HOGA1: variants seen among roughly 807,000 people sequenced by gnomAD.
HOGA1 encodes 4-hydroxy-2-oxoglutarate aldolase 1.
A neutral mutation model predicts 34.3 loss-of-function variants in HOGA1; 30 were observed. The observed-to-expected ratio is 0.87, with a 90% CI of 0.65 to 1.19. The LOEUF (loss-of-function observed/expected upper bound fraction) is 1.19. HOGA1 is among the 50% of genes most tolerant of loss of function. The probability of loss-of-function intolerance (pLI) is 0.00; values close to 1 mark genes in which losing one functional copy is unlikely to be tolerated. For synonymous variants in HOGA1, 161 were observed against 174.0 expected (o/e 0.93, Z 0.59); for missense variants, 417 against 436.5 (o/e 0.96, Z 0.40).
Position 97,589,975 on chromosome 10 carries a change from C to G in HOGA1, c.211+5061C>G, listed in dbSNP as rs2041004981. On this transcript the variant is annotated intron_variant, in intron 1 of 6. Coordinates refer to ENST00000370646, the MANE Select transcript of HOGA1 (RefSeq NM_138413.4). The stretch of plus-strand genomic sequence containing the variant: ...CAGACAAGGACAAGTCACCAGAATC[C>G]CATAAAGCAAAGAATGAAAGCTGGA... 5 of 1,613,932 alleles carry G rather than the reference C, an allele frequency of 3.1e-6. No individual in the cohort carries two copies. The South Asian group carries it at 5.5e-5, about 18-fold the overall frequency.
intron 6 of HOGA1, among the ~76,000 whole-genome samples, chr10:97,609,451 C>T (rs1564762017): frequency 6.6e-6 from 1 of 152,164 alleles, no homozygotes; most frequent in Non-Finnish European, 1.5e-5. Flanking sequence ...CCTACCCCAT[C>T]CTGCCTCACC....
At chr10:97,594,883 C>T (rs139328334) in intron 1 of HOGA1, among the ~76,000 whole-genome samples, 1 of 152,182 alleles carries the variant, frequency 6.6e-6, no homozygotes, top group East Asian at 1.9e-4. Flanking sequence ...GTTCTAGGGA[C>T]CTTTGTAGAT....
At chr10:97,608,803 C>CA (rs5787247) in intron 6 of HOGA1, among the ~76,000 whole-genome samples, 108,763 of 148,900 alleles carry the variant, frequency 0.73, 39,962 homozygotes, top group Non-Finnish European at 0.78. Context: ...GGGACTGTTT[C>CA]AAAAAAAAAA....
chr10:97,602,604 T>C (rs2041128041), intron 6 of HOGA1: 2 of 984,392 alleles, frequency 2.0e-6, no homozygotes, highest in Non-Finnish European at 2.4e-6. Flanking sequence ...CATTTTATCC[T>C]TTCTTTCCTT....
intron 1 of HOGA1, chr10:97,590,359 C>G: frequency 6.2e-7 from 1 of 1,614,118 alleles, no homozygotes; most frequent in South Asian, 1.1e-5. Context: ...CTTACCAGCA[C>G]TCAGGTCACC....
At chr10:97,610,351 C>T (rs1205126135) in intron 6 of HOGA1, among the ~76,000 whole-genome samples, 2 of 152,094 alleles carry the variant, frequency 1.3e-5, no homozygotes, top group African/African-American at 4.8e-5. Context: ...ACCTGAAGTC[C>T]AAGGTGCTGT....
At chr10:97,591,387 A>G (rs1454939834) in intron 1 of HOGA1, among the ~76,000 whole-genome samples, 5 of 152,176 alleles carry the variant, frequency 3.3e-5, no homozygotes, top group South Asian at 2.1e-4. Flanking sequence ...CTGAGTGAGC[A>G]CAACACTTTC....
rs928272634 is a variant in HOGA1, at chr10:97,611,812, C to A, written c.*153C>A. On this transcript the variant is annotated 3_prime_UTR_variant, in exon 7 of 7. Transcript: ENST00000370646. ...TGCTGTGGTCCTCCAGGCAGCCTTT[C>A]ACAGGCACGCCCATGCATATCTCCT... 4 of 832,738 alleles carry A rather than the reference C, an allele frequency of 4.8e-6. No homozygotes were observed. The highest frequency in any genetic ancestry group is 5.7e-6 in the Non-Finnish European group (3 of 525,904). 51.6% of individuals were successfully genotyped at this position (832,738 alleles called of 1,614,324 possible).
chr10:97,591,115 G>A (rs374706307), intron 1 of HOGA1, among the ~76,000 whole-genome samples: 23 of 152,234 alleles, frequency 1.5e-4, no homozygotes, highest in African/African-American at 5.5e-4. Flanking sequence ...TGGAAAAGGG[G>A]TACCTCTAGA....
In HOGA1 at chr10:97,611,942, T is replaced by A; in HGVS notation, c.*283T>A. Reference sequence around the variant, plus strand: ...AATTTATCTTTCTACTGTGGATGCTTTCCTACGCCCTGAGGCACATGAAGT... The same window carrying A: ...AATTTATCTTTCTACTGTGGATGCTATCCTACGCCCTGAGGCACATGAAGT... On this transcript the variant is annotated 3_prime_UTR_variant, in exon 7 of 7. Coordinates refer to ENST00000370646, the MANE Select transcript of HOGA1 (RefSeq NM_138413.4). 2.1e-6 allele frequency: 1 copy of A among 473,834 alleles called. No individual in the cohort carries two copies. Among genetic ancestry groups the A allele is most frequent in the South Asian group, 2.7e-5 (1 of 37,678 alleles). 29.4% of individuals were successfully genotyped at this position (473,834 alleles called of 1,614,324 possible).
intron 1 of HOGA1, among the ~76,000 whole-genome samples, chr10:97,585,545 C>T (rs531839856): frequency 6.6e-5 from 10 of 152,294 alleles, no homozygotes; most frequent in African/African-American, 2.2e-4. Flanking sequence ...TGCCCTGCTC[C>T]GCCCATCCCC....
intron 6 of HOGA1, among the ~76,000 whole-genome samples, chr10:97,607,238 C>A (rs1026500609): frequency 6.6e-6 from 1 of 152,124 alleles, no homozygotes; most frequent in Non-Finnish European, 1.5e-5. Context: ...GCCTGTGTGT[C>A]TGGCAGCAGG....
chr10:97,601,970 C>T lies in HOGA1; in HGVS notation c.814C>T (p.Leu272Phe). The change falls in exon 6 of 7, where the codon CTC becomes TTC. Residue 272 changes from leucine to phenylalanine, a missense_variant. Physicochemically the swap from Leu to Phe is conservative, Grantham distance 22 (BLOSUM62 0). Coordinates refer to ENST00000370646, the MANE Select transcript of HOGA1 (RefSeq NM_138413.4). ...AGATGCCCAGAAACTGCAGCACCGC[C>T]TCATTGAGCCAAACGCTGCGGTGAG... Reference protein sequence around the residue: ...WEDAQKLQHRLIEPNAAVTRR... With the variant: ...WEDAQKLQHRFIEPNAAVTRR... The T allele has an allele frequency of 6.2e-7, 1 of 1,612,698 alleles. No homozygotes were observed. Among genetic ancestry groups the T allele is most frequent in the Non-Finnish European group, 8.5e-7 (1 of 1,179,668 alleles).
intron 5 of HOGA1, among the ~76,000 whole-genome samples, chr10:97,601,492 C>T (rs1384527376): frequency 1.3e-5 from 2 of 152,180 alleles, no homozygotes; most frequent in African/African-American, 4.8e-5. Context: ...TACCCTCTTA[C>T]AGGACTGATG....
chr10:97,589,751 C>A (rs1369871763), intron 1 of HOGA1: 2 of 688,108 alleles, frequency 2.9e-6, no homozygotes, highest in Non-Finnish European at 5.1e-6. Flanking sequence ...CCCTTTCAAG[C>A]ATGAATCATA....
intron 1 of HOGA1, among the ~76,000 whole-genome samples, chr10:97,597,670 G>A (rs532649269): frequency 6.8e-4 from 103 of 152,038 alleles, no homozygotes; most frequent in Admixed American, 1.1e-3. Context: ...GAAATGTGGC[G>A]CACAGTCAGG....
chr10:97,599,099 C>A lies in HOGA1; in HGVS notation c.351C>A (p.Ala117=), dbSNP rs2135721653. 1 of 1,613,434 alleles carries A rather than the reference C, an allele frequency of 6.2e-7. No individual in the cohort carries two copies. Among genetic ancestry groups the A allele is most frequent in the Non-Finnish European group, 8.5e-7 (1 of 1,180,026 alleles). The part of the protein sequence containing the change: ...LAGSGCESTQ[A]TVEMTVSMAQ... ...TCCTTCCTCTGGCAGCCACTCAAGC[C>A]ACAGTGGAGATGACCGTCAGCATGG... Residue 117 remains alanine, a synonymous_variant, in exon 3 of 7, where the codon GCC becomes GCA. Transcript: ENST00000370646.
intron 6 of HOGA1, chr10:97,602,376 A>G: frequency 8.4e-7 from 1 of 1,194,296 alleles, no homozygotes; most frequent in Non-Finnish European, 1.1e-6. Context: ...ATCGGGGGCC[A>G]GGTCCTGAAA....
intron 5 of HOGA1, among the ~76,000 whole-genome samples, chr10:97,601,192 C>T (rs2041113158): frequency 1.3e-5 from 2 of 152,204 alleles, no homozygotes; most frequent in African/African-American, 2.4e-5. Flanking sequence ...ACTCTCTCTA[C>T]GGTTTTGAGG....
Sources: allele counts gnomAD v4.1 joint callset (sites outside exome capture counted in the v4.1 genomes callset), GRCh38; gene constraint gnomAD v4.1.1; transcripts MANE v1.5; gene names NCBI Gene and HGNC (gene_info 2026-07-23, HGNC 2026-07-21).